The following CMSS1 variants were observed in gnomAD, a reference collection of about 807,000 sequenced individuals.
CMSS1 encodes protein CMSS1.
CMSS1 carries 33 observed loss-of-function variants against 43.5 expected under a neutral mutation model. That is an observed-to-expected ratio of 0.76 (90% confidence interval 0.57 to 1.01). The LOEUF (loss-of-function observed/expected upper bound fraction) is 1.01, where lower values mean the gene tolerates loss of function less well. Ranked by LOEUF, CMSS1 falls within the 50% of genes least tolerant of loss-of-function variation. The pLI, the probability that CMSS1 is intolerant of heterozygous loss-of-function variation, is 0.00. For synonymous variants in CMSS1, 115 were observed against 117.2 expected, an observed-to-expected ratio of 0.98 and a Z score of 0.12; for missense variants, 313 against 326.4, an observed-to-expected ratio of 0.96 and a Z score of 0.32.
intron 1 of CMSS1, chr3:99,848,047 A>G (rs1288661095): frequency 3.2e-6 from 4 of 1,257,720 alleles, no homozygotes; most frequent in African/African-American, 1.5e-5. Flanking sequence ...ATACAAGTGC[A>G]GACTAAATAT....
intron 1 of CMSS1, chr3:100,141,614 T>C: frequency 1.3e-5 from 6 of 451,812 alleles, no homozygotes; most frequent in Middle Eastern, 6.6e-4. Flanking sequence ...CTTCAGATAC[T>C]TATCAAAAAG....
intron 1 of CMSS1, among the ~76,000 whole-genome samples, chr3:99,999,677 G>C (rs1015737159): frequency 6.6e-6 from 1 of 152,072 alleles, no homozygotes; most frequent in Non-Finnish European, 1.5e-5. Context: ...GTCACTTGAT[G>C]GTTCATTGCT....
At chr3:99,925,116 T>C (rs1382056402) in intron 1 of CMSS1, among the ~76,000 whole-genome samples, 1 of 152,226 alleles carries the variant, frequency 6.6e-6, no homozygotes, top group Non-Finnish European at 1.5e-5. Context: ...TATAGTTCTC[T>C]GTACCAGTAT....
intron 1 of CMSS1, among the ~76,000 whole-genome samples, chr3:99,904,815 T>C (rs571405444): frequency 6.6e-6 from 1 of 152,318 alleles, no homozygotes; most frequent in South Asian, 2.1e-4. Flanking sequence ...TTCCCCCTAA[T>C]TTCACTGTTT....
At chr3:100,131,985 A>G (rs909097662) in intron 1 of CMSS1, among the ~76,000 whole-genome samples, 2 of 152,242 alleles carry the variant, frequency 1.3e-5, no homozygotes, top group Non-Finnish European at 1.5e-5. Context: ...TAAACACTAG[A>G]TTATGTACTT....
At chr3:99,944,492 G>A (rs186900049) in intron 1 of CMSS1, among the ~76,000 whole-genome samples, 1 of 152,182 alleles carries the variant, frequency 6.6e-6, no homozygotes, top group Admixed American at 6.5e-5. Flanking sequence ...TTTACTGTCT[G>A]CAGGCACAAT....
rs1334718989 is a variant in CMSS1 at position 100,110,281 on chromosome 3, A to T, written c.65-36692A>T. On this transcript the variant is annotated intron_variant, in intron 1 of 9. Coordinates refer to ENST00000421999, the MANE Select transcript of CMSS1 (RefSeq NM_032359.4). The stretch of plus-strand genomic sequence containing the variant: ...GATGTTAGGGGCAGCTGAAACAAGG[A>T]GCTGGTGTCCCTAGTCACAACCTGT... 3.3e-5 allele frequency among the ~76,000 whole-genome samples: 5 copies of T among 152,114 alleles called. No homozygotes were observed. The East Asian group carries it at 9.6e-4, about 29-fold the overall frequency.
intron 1 of CMSS1, among the ~76,000 whole-genome samples, chr3:99,865,759 T>A (rs1944481289): frequency 6.6e-6 from 1 of 151,702 alleles, no homozygotes; most frequent in Admixed American, 6.6e-5. Context: ...ATAATAAATA[T>A]ATATATATAT....
At chr3:99,851,217 A>G in intron 1 of CMSS1, 2 of 600,618 alleles carry the variant, frequency 3.3e-6, no homozygotes, top group Non-Finnish European at 5.3e-6. Context: ...CCTGAATTTG[A>G]TGACAGAGGA....
intron 1 of CMSS1, among the ~76,000 whole-genome samples, chr3:100,023,959 G>A (rs1325766246): frequency 6.6e-6 from 1 of 152,070 alleles, no homozygotes; most frequent in Non-Finnish European, 1.5e-5. Flanking sequence ...TTACTTCCTG[G>A]GAACTTAGTA....
chr3:99,995,253 A>G (rs1001374262), intron 1 of CMSS1, among the ~76,000 whole-genome samples: 1 of 152,212 alleles, frequency 6.6e-6, no homozygotes, highest in Non-Finnish European at 1.5e-5. Flanking sequence ...TACGGGGCCC[A>G]TGCAAGTCTG....
intron 1 of CMSS1, among the ~76,000 whole-genome samples, chr3:99,932,655 C>G (rs368257188): frequency 2.6e-5 from 4 of 152,076 alleles, no homozygotes; most frequent in African/African-American, 7.2e-5. Context: ...TTTGGGAGGC[C>G]GAGGCAGGCG....
chr3:99,946,164 T>C (rs1708001447), intron 1 of CMSS1, among the ~76,000 whole-genome samples: 1 of 152,226 alleles, frequency 6.6e-6, no homozygotes, highest in Non-Finnish European at 1.5e-5. Flanking sequence ...GGCCCTGCAA[T>C]CCATATAGCA....
Position 100,178,327 on chromosome 3 carries a change from T to A in CMSS1, c.779T>A (p.Leu260His). Residue 260 changes from leucine to histidine, a missense_variant, in exon 10 of 10, where the codon CTT becomes CAT. Coordinates refer to ENST00000421999, the MANE Select transcript of CMSS1 (RefSeq NM_032359.4). ...IPEIRKEVFELLEMGVLSLCK... is the reference protein window; with the variant it reads ...IPEIRKEVFEHLEMGVLSLCK... ...TAGATAAGAAAGGAGGTATTCGAACTTCTGGAAATGGGAGTGCTCAGTCTG... is the reference window on the plus strand; with the variant it reads ...TAGATAAGAAAGGAGGTATTCGAACATCTGGAAATGGGAGTGCTCAGTCTG... 1 of 1,612,950 alleles carries A rather than the reference T, an allele frequency of 6.2e-7. No individual in the cohort carries two copies. The highest frequency in any genetic ancestry group is 8.5e-7 in the Non-Finnish European group (1 of 1,179,036).
chr3:99,933,604 A>G (rs951609815), intron 1 of CMSS1, among the ~76,000 whole-genome samples: 2 of 152,194 alleles, frequency 1.3e-5, no homozygotes, highest in African/African-American at 2.4e-5. Context: ...TTGAACACCT[A>G]GGAATATCCT....
intron 1 of CMSS1, chr3:99,875,953 G>T: frequency 1.5e-6 from 1 of 671,450 alleles, no homozygotes. Context: ...GATGCGCTTT[G>T]CGAAACCTGT....
chr3:100,145,726 G>T (rs2066844155), intron 1 of CMSS1, among the ~76,000 whole-genome samples: 1 of 152,200 alleles, frequency 6.6e-6, no homozygotes, highest in South Asian at 2.1e-4. Context: ...TGGTGTTTCA[G>T]TTCAAGTTGA....
intron 1 of CMSS1, chr3:100,023,347 G>A (rs2064859638): frequency 1.3e-5 from 2 of 152,636 alleles, no homozygotes; most frequent in Non-Finnish European, 2.9e-5. Flanking sequence ...CAGTGTGTCT[G>A]AAAGTCAAAC....
intron 1 of CMSS1, among the ~76,000 whole-genome samples, chr3:99,951,028 A>G (rs991615729): frequency 9.9e-5 from 15 of 152,152 alleles, no homozygotes; most frequent in African/African-American, 3.6e-4. Flanking sequence ...GTTTCACCTC[A>G]TGCCCCTCCC....
Sources: allele counts gnomAD v4.1 joint callset (sites outside exome capture counted in the v4.1 genomes callset), GRCh38; gene constraint gnomAD v4.1.1; transcripts MANE v1.5; gene names NCBI Gene and HGNC (gene_info 2026-07-23, HGNC 2026-07-21).